RPS6KA2: variants seen among roughly 807,000 people sequenced by gnomAD.
RPS6KA2 encodes ribosomal protein S6 kinase alpha-2.
In RPS6KA2, 42 loss-of-function variants were observed where a neutral mutation model predicts 91.8. The observed-to-expected ratio is 0.46, with a 90% CI of 0.36 to 0.59. RPS6KA2 has a LOEUF of 0.59. RPS6KA2 is among the 20% of genes least tolerant of loss of function. The pLI, the probability that RPS6KA2 is intolerant of heterozygous loss-of-function variation, is 0.00. For synonymous variants in RPS6KA2, 414 were observed against 393.6 expected (o/e 1.05, Z -0.61); for missense variants, 798 against 978.5 (o/e 0.82, Z 2.46).
chr6:166,500,061 G>A lies in RPS6KA2; in HGVS notation c.604+826C>T, dbSNP rs1242193950. ...TCAGAGAGCTTGGAAGATGCTGCCTGCTGGCTTCCACCATGGGGGACGCAG... is the reference window on the plus strand; with the variant it reads ...TCAGAGAGCTTGGAAGATGCTGCCTACTGGCTTCCACCATGGGGGACGCAG... On this transcript the variant is annotated intron_variant, in intron 7 of 20. Coordinates refer to ENST00000265678, the MANE Select transcript of RPS6KA2 (RefSeq NM_021135.6). This position sits in a 1 kb window ranked among gnomAD's most constrained non-coding sequence, Gnocchi z 4.3. 6.6e-6 allele frequency among the ~76,000 whole-genome samples: 1 copy of A among 152,224 alleles called. No homozygotes were observed. The highest frequency in any genetic ancestry group is 1.5e-5 in the Non-Finnish European group (1 of 68,034).
At chr6:166,544,783 G>A (rs1392407513) in intron 1 of RPS6KA2, 2 of 152,190 alleles carry the variant, frequency 1.3e-5, no homozygotes, top group Non-Finnish European at 2.9e-5. Context: ...TTGCTGGTGT[G>A]AGCAAATGTG....
intron 1 of RPS6KA2, among the ~76,000 whole-genome samples, chr6:166,583,125 C>T (rs1221117830): frequency 6.6e-6 from 1 of 152,198 alleles, no homozygotes; most frequent in East Asian, 1.9e-4. Context: ...GTAAGTTTTA[C>T]TCGCATTCGC....
At chr6:166,601,510 C>G (rs1404334446) in intron 1 of RPS6KA2, among the ~76,000 whole-genome samples, 1 of 152,176 alleles carries the variant, frequency 6.6e-6, no homozygotes, top group Non-Finnish European at 1.5e-5. Context: ...TATTAGCTAT[C>G]AAGACTTCTT....
chr6:166,513,046 C>T (rs1245074718), intron 3 of RPS6KA2, among the ~76,000 whole-genome samples: 2 of 152,194 alleles, frequency 1.3e-5, no homozygotes, highest in Admixed American at 1.3e-4. Context: ...TTGAGCCACA[C>T]ATAAAATACA....
upstream of RPS6KA2, chr6:166,627,296 C>G: frequency 4.4e-6 from 4 of 916,142 alleles, no homozygotes; most frequent in Non-Finnish European, 5.2e-6. Flanking sequence ...CCCACCACCA[C>G]TACCACCAAT....
intron 2 of RPS6KA2, among the ~76,000 whole-genome samples, chr6:166,792,363 T>C (rs1454496611): frequency 7.1e-6 from 1 of 140,740 alleles, no homozygotes; most frequent in African/African-American, 2.6e-5. Context: ...CAATAATTAA[T>C]AGCCTACCAA....
At chr6:166,573,698 C>T (rs1204082385) in intron 1 of RPS6KA2, among the ~76,000 whole-genome samples, 4 of 152,362 alleles carry the variant, frequency 2.6e-5, no homozygotes, top group Admixed American at 6.5e-5. Context: ...TGACCGTAAA[C>T]ACCGAGGTTC....
intron 1 of RPS6KA2, among the ~76,000 whole-genome samples, chr6:166,575,302 G>C (rs1784807871): frequency 6.6e-6 from 1 of 152,204 alleles, no homozygotes; most frequent in East Asian, 1.9e-4. Context: ...TCCGGGCTCA[G>C]GGAGTACGGG....
rs931815877 is a variant in RPS6KA2 at position 166,665,281 on chromosome 6, C to A, written c.124-126497G>T. Among the ~76,000 whole-genome samples, 3 of 152,152 alleles carry A rather than the reference C, an allele frequency of 2.0e-5. No individual in the cohort carries two copies. The East Asian group carries it at 5.8e-4, about 29-fold the overall frequency. Reference sequence around the variant, plus strand: ...CACCATGGTGTGACTTACAGGAGCACCCCGAGGTGTATAAGAGTGTCCCTA... The same window carrying A: ...CACCATGGTGTGACTTACAGGAGCAACCCGAGGTGTATAAGAGTGTCCCTA... On this transcript the variant is annotated intron_variant, in intron 2 of 21. Coordinates refer to the RPS6KA2 transcript ENST00000503859. The surrounding 1 kb of genome is among the most constrained non-coding windows in gnomAD (Gnocchi z 4.5).
At chr6:166,715,624 G>A (rs1403383858) in intron 2 of RPS6KA2, among the ~76,000 whole-genome samples, 1 of 152,150 alleles carries the variant, frequency 6.6e-6, no homozygotes, top group African/African-American at 2.4e-5. Flanking sequence ...ACATGACAGA[G>A]TGCCCTGGCA....
intron 1 of RPS6KA2, among the ~76,000 whole-genome samples, chr6:166,610,210 T>C (rs16899238): frequency 0.041 from 6,298 of 152,342 alleles, 190 homozygotes; most frequent in East Asian, 0.074. Flanking sequence ...ATTTGATCAA[T>C]GTATAAATAG....
intron 2 of RPS6KA2, among the ~76,000 whole-genome samples, chr6:166,695,537 C>G (rs532193008): frequency 8.0e-4 from 122 of 152,324 alleles, no homozygotes; most frequent in South Asian, 4.6e-3. Flanking sequence ...TCCCAATCCT[C>G]AGGCCTCAGA....
chr6:166,812,224 T>C (rs1447181207), intron 2 of RPS6KA2, among the ~76,000 whole-genome samples: 1 of 152,092 alleles, frequency 6.6e-6, no homozygotes, highest in Non-Finnish European at 1.5e-5. Flanking sequence ...GGAATGGTGG[T>C]GGGCACCTGT....
chr6:166,548,550 C>T (rs957516592), intron 1 of RPS6KA2, among the ~76,000 whole-genome samples: 1 of 152,142 alleles, frequency 6.6e-6, no homozygotes, highest in Non-Finnish European at 1.5e-5. Context: ...TTCAAATACA[C>T]CCAGCTGCTT....
At chr6:166,474,418 T>A (rs915808356) in intron 10 of RPS6KA2, among the ~76,000 whole-genome samples, 1 of 152,210 alleles carries the variant, frequency 6.6e-6, no homozygotes, top group African/African-American at 2.4e-5. Context: ...ATTTTTGTGC[T>A]CATCAGCACA....
chr6:166,824,851 GTATC>G (rs1390137623), intron 2 of RPS6KA2, among the ~76,000 whole-genome samples: 2 of 151,700 alleles, frequency 1.3e-5, no homozygotes, highest in Non-Finnish European at 2.9e-5. Context: ...GCTTGTGTGT[GTATC>G]TATGTGTGTC....
At chr6:166,454,096 G>A (rs1345620334) in intron 12 of RPS6KA2, among the ~76,000 whole-genome samples, 1 of 152,116 alleles carries the variant, frequency 6.6e-6, no homozygotes, top group Non-Finnish European at 1.5e-5. Flanking sequence ...TACTTAATGG[G>A]TAAAATGAAC....
chr6:166,610,593 A>G (rs900154468), intron 1 of RPS6KA2, among the ~76,000 whole-genome samples: 5 of 152,248 alleles, frequency 3.3e-5, no homozygotes, highest in Non-Finnish European at 7.3e-5. Context: ...AGGGCCCCTC[A>G]GGAGTCTTTA....
chr6:166,584,226 T>C lies in RPS6KA2; in HGVS notation c.99+42695A>G, dbSNP rs537219197. On this transcript the variant is annotated intron_variant, in intron 1 of 20. Coordinates refer to ENST00000265678, the MANE Select transcript of RPS6KA2 (RefSeq NM_021135.6). Reference sequence around the variant, plus strand: ...AATTCCTGGCTCACAGGCAGCTGCTTCTTGCAGCGCCCTTTCGTGGTGGAG... The same window carrying C: ...AATTCCTGGCTCACAGGCAGCTGCTCCTTGCAGCGCCCTTTCGTGGTGGAG... Among the ~76,000 whole-genome samples the C allele has an allele frequency of 3.3e-5, 5 of 152,348 alleles. No homozygotes were observed. The East Asian group carries it at 9.6e-4, about 29-fold the overall frequency.
Sources: gnomAD v4.1 joint callset for allele counts (sites outside exome capture counted in the v4.1 genomes callset) on GRCh38, gnomAD v4.1.1 for gene constraint, Gnocchi (gnomAD v3.1) non-coding constraint, MANE v1.5 for transcripts, NCBI Gene and HGNC (gene_info 2026-07-23, HGNC 2026-07-21) for gene names.